ZNF385B: variants seen among roughly 807,000 people sequenced by gnomAD.
ZNF385B encodes zinc finger protein 385B, also known as zinc finger protein 533.
Under a neutral mutation model 39.2 loss-of-function variants are expected in ZNF385B, and 23 were observed. The observed-to-expected ratio is 0.59, with a 90% CI of 0.42 to 0.83. The LOEUF (loss-of-function observed/expected upper bound fraction) is 0.83, where lower values mean the gene tolerates loss of function less well. ZNF385B is among the 40% of genes least tolerant of loss of function. The pLI, the probability that ZNF385B is intolerant of heterozygous loss-of-function variation, is 0.00. For missense variants in ZNF385B, 552 were observed against 598.9 expected (o/e 0.92, Z 0.82); for synonymous variants, 205 against 222.6 (o/e 0.92, Z 0.70).
chr2:179,856,815 A>G (rs1684643454), intron 1 of ZNF385B, among the ~76,000 whole-genome samples: 1 of 152,194 alleles, frequency 6.6e-6, no homozygotes, highest in African/African-American at 2.4e-5. Flanking sequence ...AAGGGAATAA[A>G]CAAACCTTCC....
intron 6 of ZNF385B, among the ~76,000 whole-genome samples, chr2:179,456,320 A>G (rs542262717): frequency 3.9e-4 from 59 of 152,332 alleles, no homozygotes; most frequent in Admixed American, 2.9e-3. Context: ...TAGGAGTGTC[A>G]CAAAAGATCA....
At chr2:179,794,792 T>C (rs723357) in intron 1 of ZNF385B, among the ~76,000 whole-genome samples, 78,514 of 151,776 alleles carry the variant, frequency 0.52, 20,452 homozygotes, top group East Asian at 0.61. Context: ...GGAGTCATCT[T>C]GGATGAGATG....
At chr2:179,702,116 A>G (rs1354864777) in intron 3 of ZNF385B, among the ~76,000 whole-genome samples, 1 of 152,214 alleles carries the variant, frequency 6.6e-6, no homozygotes, top group Non-Finnish European at 1.5e-5. Context: ...ACAAACCTGC[A>G]CGTTGTGCAC....
intron 3 of ZNF385B, among the ~76,000 whole-genome samples, chr2:179,756,658 C>A (rs1703044124): frequency 6.6e-6 from 1 of 150,746 alleles, no homozygotes; most frequent in South Asian, 2.1e-4. Flanking sequence ...TCCCATATAC[C>A]TTCGAGGCTT....
intron 5 of ZNF385B, among the ~76,000 whole-genome samples, chr2:179,508,099 C>A (rs530004009): frequency 6.6e-6 from 1 of 151,504 alleles, no homozygotes; most frequent in East Asian, 1.9e-4. Flanking sequence ...TTTTTTTGTT[C>A]CATTCAGCTT....
At chr2:179,590,955 T>G (rs754039444) in intron 3 of ZNF385B, among the ~76,000 whole-genome samples, 1 of 152,150 alleles carries the variant, frequency 6.6e-6, no homozygotes, top group Non-Finnish European at 1.5e-5. Context: ...GAAAATGAAC[T>G]AATACACTGA....
chr2:179,465,533 A>G (rs2051900226), intron 6 of ZNF385B, among the ~76,000 whole-genome samples: 1 of 152,206 alleles, frequency 6.6e-6, no homozygotes, highest in Admixed American at 6.6e-5. Context: ...AATTGATGGT[A>G]TTGCCAGTTA....
intron 3 of ZNF385B, among the ~76,000 whole-genome samples, chr2:179,735,155 G>T (rs375581002): frequency 2.0e-3 from 301 of 151,992 alleles, no homozygotes; most frequent in African/African-American, 7.1e-3. Context: ...TAATATCCAG[G>T]ATCTACAATG....
At chr2:179,795,841 T>C (rs1030845659) in intron 1 of ZNF385B, among the ~76,000 whole-genome samples, 3 of 152,180 alleles carry the variant, frequency 2.0e-5, no homozygotes, top group African/African-American at 7.2e-5. Context: ...CCCAGTTTAA[T>C]TGAATCTCTT....
chr2:179,600,463 C>A (rs1036896880), intron 3 of ZNF385B, among the ~76,000 whole-genome samples: 2 of 152,164 alleles, frequency 1.3e-5, no homozygotes, highest in African/African-American at 4.8e-5. Context: ...ACAAGGAAAT[C>A]TAATAATATT....
chr2:179,860,420 AAC>A (rs1398934792), intron 1 of ZNF385B, among the ~76,000 whole-genome samples: 1 of 152,056 alleles, frequency 6.6e-6, no homozygotes, highest in Non-Finnish European at 1.5e-5. Flanking sequence ...CCCCGCACAT[AAC>A]AGTGGCGAAA....
intron 3 of ZNF385B, among the ~76,000 whole-genome samples, chr2:179,650,893 T>C (rs982361125): frequency 6.6e-6 from 1 of 152,180 alleles, no homozygotes; most frequent in Non-Finnish European, 1.5e-5. Flanking sequence ...TTAAATCCAC[T>C]AGACAATTGA....
Position 179,718,048 on chromosome 2 carries a change from T to C in ZNF385B, c.298+51455A>G, listed in dbSNP as rs1700444164. 1.3e-5 allele frequency among the ~76,000 whole-genome samples: 2 copies of C among 152,144 alleles called. 1 individual carries two copies. The highest frequency in any genetic ancestry group is 4.8e-5 in the African/African-American group (2 of 41,450). On this transcript the variant is annotated intron_variant, in intron 3 of 9. Coordinates refer to ENST00000410066, the MANE Select transcript of ZNF385B (RefSeq NM_152520.6). Reference sequence around the variant, plus strand: ...GTTTCTCATTAGGTAGCCTAATGTTTATGCTATGCTGAGCCAATGACATTC... The same window carrying C: ...GTTTCTCATTAGGTAGCCTAATGTTCATGCTATGCTGAGCCAATGACATTC...
chr2:179,560,524 A>T (rs953373250), intron 3 of ZNF385B, among the ~76,000 whole-genome samples: 6 of 152,050 alleles, frequency 3.9e-5, no homozygotes, highest in African/African-American at 1.4e-4. Flanking sequence ...AACTTTCCAA[A>T]CTCTGATTGA....
intron 1 of ZNF385B, among the ~76,000 whole-genome samples, chr2:179,782,148 G>A (rs559492250): frequency 6.6e-6 from 1 of 152,246 alleles, no homozygotes; most frequent in African/African-American, 2.4e-5. Context: ...GATAAAGTAG[G>A]CTTCATCCCT....
intron 6 of ZNF385B, among the ~76,000 whole-genome samples, chr2:179,469,810 T>C (rs2052530257): frequency 6.6e-6 from 1 of 152,192 alleles, no homozygotes; most frequent in Non-Finnish European, 1.5e-5. Context: ...AAAGTCTCTC[T>C]TTGATTAAAA....
intron 4 of ZNF385B, among the ~76,000 whole-genome samples, chr2:179,529,242 T>C (rs771881251): frequency 1.3e-5 from 2 of 152,192 alleles, no homozygotes; most frequent in Non-Finnish European, 2.9e-5. Flanking sequence ...ACTGCTGTTT[T>C]CAATGTAGGG....
At chr2:179,845,112 C>A (rs576718138) in intron 1 of ZNF385B, among the ~76,000 whole-genome samples, 4 of 152,132 alleles carry the variant, frequency 2.6e-5, no homozygotes, top group East Asian at 1.9e-4. Context: ...TAGCCCTACA[C>A]GTAGAAATGC....
chr2:179,508,347 A>G (rs1275209730), intron 5 of ZNF385B, among the ~76,000 whole-genome samples: 3 of 152,182 alleles, frequency 2.0e-5, no homozygotes, highest in Non-Finnish European at 4.4e-5. Context: ...ATATAATGAA[A>G]CATCTTATTG....
Sources: allele counts gnomAD v4.1 joint callset (sites outside exome capture counted in the v4.1 genomes callset), GRCh38; gene constraint gnomAD v4.1.1; transcripts MANE v1.5; gene names NCBI Gene and HGNC (gene_info 2026-07-23, HGNC 2026-07-21).